Variants in BLTP3B observed in about 807,000 individuals in gnomAD.
The protein encoded by BLTP3B is bridge-like lipid transfer protein family member 3B.
the BLTP3B span, among the ~76,000 whole-genome samples, chr12:100,139,343 A>T: frequency 3.3e-5 from 5 of 152,224 alleles, no homozygotes; most frequent in Non-Finnish European, 7.3e-5. Flanking sequence ...TCATCCAGGC[A>T]AAGATGGTTT....
the BLTP3B span, among the ~76,000 whole-genome samples, chr12:100,131,168 A>T: frequency 6.6e-6 from 1 of 151,810 alleles, no homozygotes; most frequent in African/African-American, 2.4e-5. Flanking sequence ...ATAATTCACC[A>T]GGCAAGGTGG....
At chr12:100,142,850 G>T in the BLTP3B span, 14 of 606,528 alleles carry the variant, frequency 2.3e-5, no homozygotes, top group East Asian at 2.0e-4. Context: ...GCGCCATCTT[G>T]GCTGCAGCAT....
At chr12:100,050,716 A>C in the BLTP3B span, among the ~76,000 whole-genome samples, 2 of 151,944 alleles carry the variant, frequency 1.3e-5, no homozygotes, top group African/African-American at 4.8e-5. Flanking sequence ...GGAGGCTGGG[A>C]CAGGAAGATC....
chr12:100,066,042 C>T, the BLTP3B span, among the ~76,000 whole-genome samples: 7 of 151,994 alleles, frequency 4.6e-5, no homozygotes, highest in Admixed American at 2.0e-4. Flanking sequence ...TCAGATTGGC[C>T]GACACTTAGG....
chr12:100,124,961 TA>T, the BLTP3B span, among the ~76,000 whole-genome samples: 16 of 116,026 alleles, frequency 1.4e-4, 1 homozygote, highest in Admixed American at 3.7e-4. Context: ...TATATATATA[TA>T]TATATATATA....
chr12:100,142,550 G>C, the BLTP3B span: 2 of 1,597,764 alleles, frequency 1.3e-6, no homozygotes, highest in Non-Finnish European at 1.7e-6. Flanking sequence ...GTGCGGGCTG[G>C]GGTGGAGGCC....
chr12:100,132,890 G>A, the BLTP3B span, among the ~76,000 whole-genome samples: 5 of 152,108 alleles, frequency 3.3e-5, no homozygotes, highest in Non-Finnish European at 2.9e-5. Context: ...GGAGGTTACA[G>A]TGAGCTGAGA....
the BLTP3B span, chr12:100,039,572 A>C: frequency 2.5e-6 from 4 of 1,582,476 alleles, no homozygotes; most frequent in Non-Finnish European, 3.4e-6. Context: ...GCTGAAGCTG[A>C]ATCTGAATTA....
the BLTP3B span, among the ~76,000 whole-genome samples, chr12:100,088,050 C>G: frequency 6.6e-6 from 1 of 152,140 alleles, no homozygotes; most frequent in Non-Finnish European, 1.5e-5. Context: ...TTTAGGCTGC[C>G]TTGTCTAATG....
the BLTP3B span, among the ~76,000 whole-genome samples, chr12:100,121,692 G>A: frequency 6.6e-6 from 1 of 152,088 alleles, no homozygotes; most frequent in African/African-American, 2.4e-5. Flanking sequence ...TAGCGGGCGT[G>A]GTGGCGCCCG....
At chr12:100,137,251 A>G in the BLTP3B span, among the ~76,000 whole-genome samples, 12 of 151,922 alleles carry the variant, frequency 7.9e-5, no homozygotes, top group African/African-American at 2.9e-4. Context: ...AGCATTCCCA[A>G]TCCTTTGACG....
chr12:100,058,173 A>G, the BLTP3B span: 10 of 1,612,946 alleles, frequency 6.2e-6, no homozygotes, highest in Middle Eastern at 1.6e-4. Context: ...TTTACTAGTT[A>G]AAGTACTTGA....
At chr12:100,127,362 A>C in the BLTP3B span, among the ~76,000 whole-genome samples, 1 of 152,256 alleles carries the variant, frequency 6.6e-6, no homozygotes, top group African/African-American at 2.4e-5. Flanking sequence ...ACGTAAAACA[A>C]TATTTAGGCC....
the BLTP3B span, among the ~76,000 whole-genome samples, chr12:100,134,707 T>C: frequency 6.6e-6 from 1 of 152,226 alleles, no homozygotes; most frequent in Non-Finnish European, 1.5e-5. Flanking sequence ...TCCTGCAGTC[T>C]TCTCCAATTT....
At chr12:100,039,493 C>T in the BLTP3B span, 13 of 1,211,844 alleles carry the variant, frequency 1.1e-5, no homozygotes, top group African/African-American at 6.2e-5. Flanking sequence ...AACAAGCACT[C>T]GGTACATTTT....
At chr12:100,055,294 G>A in the BLTP3B span, among the ~76,000 whole-genome samples, 1 of 152,144 alleles carries the variant, frequency 6.6e-6, no homozygotes, top group South Asian at 2.1e-4. Flanking sequence ...TTAAAATGAA[G>A]ATAACAGTTC....
the BLTP3B span, among the ~76,000 whole-genome samples, chr12:100,047,064 C>T: frequency 6.6e-6 from 1 of 152,132 alleles, no homozygotes; most frequent in South Asian, 2.1e-4. Context: ...ATAGATGATA[C>T]TTTATTACAA....
chr12:100,076,388 CTTTT>C, the BLTP3B span, among the ~76,000 whole-genome samples: 6 of 110,202 alleles, frequency 5.4e-5, no homozygotes, highest in Non-Finnish European at 5.4e-5. Context: ...CCTCAGCAAT[CTTTT>C]TTTTTTTTTT....
At chr12:100,062,561 A>G in the BLTP3B span, among the ~76,000 whole-genome samples, 1 of 152,044 alleles carries the variant, frequency 6.6e-6, no homozygotes, top group Admixed American at 6.6e-5. Flanking sequence ...ACAGGGGTCA[A>G]GTTTAAAATG....
Sources: gnomAD v4.1 joint callset for allele counts (sites outside exome capture counted in the v4.1 genomes callset) on GRCh38, gnomAD v4.1.1 for gene constraint, MANE v1.5 for transcripts, NCBI Gene and HGNC (gene_info 2026-07-23, HGNC 2026-07-21) for gene names.